The following C3orf49 variants were observed in gnomAD, a reference collection of about 807,000 sequenced individuals.
The protein encoded by C3orf49 is putative uncharacterized protein C3orf49.
A neutral mutation model predicts 13.3 loss-of-function variants in C3orf49; 27 were observed. The ratio of observed to expected loss-of-function variants is 2.02; its 90% CI spans 1.49 to 2.79. C3orf49 has a LOEUF of 2.79. Ranked by LOEUF, C3orf49 falls within the 30% of genes most tolerant of loss-of-function variation. C3orf49 has a pLI of 0.00. For missense variants in C3orf49, 242 were observed against 134.2 expected (o/e 1.80, Z -3.97); for synonymous variants, 87 against 47.6 (o/e 1.83, Z -3.40).
chr3:63,826,168 T>C (rs1481667925), intron 2 of C3orf49, among the ~76,000 whole-genome samples: 1 of 152,210 alleles, frequency 6.6e-6, no homozygotes, highest in African/African-American at 2.4e-5. Flanking sequence ...TTTTTAACTT[T>C]CTTCTAAGGG....
chr3:63,827,687 C>T lies in C3orf49; in HGVS notation c.532C>T (p.Arg178Trp), dbSNP rs1020944384. Residue 178 changes from arginine (R) to tryptophan (W), a missense_variant, in exon 3 of 7, where the codon CGG becomes TGG. By Grantham distance (101) the Arg-to-Trp change is moderately radical. Transcript: ENST00000295896. ...CCTTCGGGCCAGGAGAACCACCAAG[C>T]GGTTATCTGTGACATCTCTTCCTTC... Reference protein sequence around the residue: ...TLLRARRTTKRLSVTSLPSGL... With the variant: ...TLLRARRTTKWLSVTSLPSGL... 1.3e-5 allele frequency: 9 copies of T among 702,930 alleles called. No homozygotes were observed. Among genetic ancestry groups the T allele is most frequent in the African/African-American group, 5.2e-5 (3 of 57,228 alleles). 43.5% of individuals were successfully genotyped at this position (702,930 alleles called of 1,614,324 possible).
chr3:63,813,749 C>A, the C3orf49 span, among the ~76,000 whole-genome samples: 1 of 152,134 alleles, frequency 6.6e-6, no homozygotes, highest in Non-Finnish European at 1.5e-5. Flanking sequence ...TAAAGTGATA[C>A]CTCCTTCTCT....
chr3:63,837,762 T>C (rs1424931365), intron 5 of C3orf49, among the ~76,000 whole-genome samples: 13 of 152,044 alleles, frequency 8.6e-5, no homozygotes, highest in Admixed American at 8.5e-4. Context: ...AAAGAAATAC[T>C]TGGATAATCA....
chr3:63,785,422 C>T, the C3orf49 span, among the ~76,000 whole-genome samples: 2 of 152,032 alleles, frequency 1.3e-5, no homozygotes, highest in South Asian at 4.2e-4. Flanking sequence ...ATATCCCATC[C>T]TCAGCTTTCA....
At chr3:63,829,807 A>G (rs2107105863) in intron 3 of C3orf49, among the ~76,000 whole-genome samples, 1 of 152,074 alleles carries the variant, frequency 6.6e-6, no homozygotes, top group East Asian at 1.9e-4. Flanking sequence ...CAAAAAAAAA[A>G]TGTAAAAATT....
chr3:63,839,795 T>TTACC (rs1389335626), intron 5 of C3orf49: 48 of 1,597,126 alleles, frequency 3.0e-5, no homozygotes, highest in Non-Finnish European at 3.8e-5. Flanking sequence ...AAGGGCAATG[T>TTACC]TACCATCTGG....
chr3:63,790,709 C>T, the C3orf49 span, among the ~76,000 whole-genome samples: 11 of 151,386 alleles, frequency 7.3e-5, no homozygotes, highest in African/African-American at 1.9e-4. Context: ...TCCCATTAGA[C>T]GATTAACTGC....
At chr3:63,786,538 G>A in the C3orf49 span, among the ~76,000 whole-genome samples, 3 of 152,150 alleles carry the variant, frequency 2.0e-5, no homozygotes, top group Admixed American at 6.5e-5. Flanking sequence ...TTTATGTGGA[G>A]GGAGGTCGTG....
chr3:63,794,936 C>A, the C3orf49 span, among the ~76,000 whole-genome samples: 6 of 152,154 alleles, frequency 3.9e-5, no homozygotes, highest in African/African-American at 1.4e-4. Flanking sequence ...ACTCTGCAAA[C>A]CCCCCACCTT....
intron 5 of C3orf49, among the ~76,000 whole-genome samples, chr3:63,841,524 GC>G (rs1559604208): frequency 6.6e-6 from 1 of 152,194 alleles, no homozygotes; most frequent in Non-Finnish European, 1.5e-5. Context: ...GAGCGCAGGT[GC>G]AGCGGAGATA....
At chr3:63,811,679 A>G in the C3orf49 span, among the ~76,000 whole-genome samples, 1 of 152,040 alleles carries the variant, frequency 6.6e-6, no homozygotes, top group East Asian at 1.9e-4. Context: ...CCTCAGTTCA[A>G]CTTGGGAGGT....
chr3:63,844,067 A>G (rs542162918), intron 5 of C3orf49, among the ~76,000 whole-genome samples: 2 of 152,364 alleles, frequency 1.3e-5, no homozygotes, highest in Admixed American at 1.3e-4. Context: ...ATGAACCTAG[A>G]GAACATTATG....
the C3orf49 span, among the ~76,000 whole-genome samples, chr3:63,803,563 G>C: frequency 6.6e-6 from 1 of 152,224 alleles, no homozygotes; most frequent in Non-Finnish European, 1.5e-5. Flanking sequence ...CTCCGGCACA[G>C]CAAGCAGCAT....
intron 5 of C3orf49, chr3:63,834,198 A>G: frequency 6.2e-7 from 1 of 1,613,952 alleles, no homozygotes; most frequent in Non-Finnish European, 8.5e-7. Context: ...GTTTTTCATC[A>G]TCTGTAATTG....
upstream of C3orf49, among the ~76,000 whole-genome samples, chr3:63,818,642 G>A (rs1701350711): frequency 6.6e-6 from 1 of 152,182 alleles, no homozygotes; most frequent in Non-Finnish European, 1.5e-5. Flanking sequence ...CCTTTCTAGA[G>A]GAGTTTTTCT....
chr3:63,787,686 G>A, the C3orf49 span, among the ~76,000 whole-genome samples: 2 of 152,138 alleles, frequency 1.3e-5, no homozygotes, highest in African/African-American at 4.8e-5. Flanking sequence ...AGCAGTCCTA[G>A]GGATGAGAAA....
intron 1 of C3orf49, among the ~76,000 whole-genome samples, chr3:63,820,888 T>C (rs1159240242): frequency 1.3e-5 from 2 of 152,130 alleles, no homozygotes; most frequent in Non-Finnish European, 2.9e-5. Context: ...AACCCTGCCC[T>C]TGGTCCCAGA....
At chr3:63,831,873 TCTGA>T in intron 5 of C3orf49, 29 bp downstream of exon 5, 1 of 691,250 alleles carries the variant, frequency 1.4e-6, no homozygotes, top group East Asian at 2.7e-5. Flanking sequence ...TGCTGCTGCT[TCTGA>T]CTTTGTTCCT....
intron 5 of C3orf49, among the ~76,000 whole-genome samples, chr3:63,844,424 C>A (rs1223899386): frequency 1.3e-5 from 2 of 152,120 alleles, no homozygotes; most frequent in African/African-American, 4.8e-5. Context: ...GTTAACCATT[C>A]CACAATGTAT....
Sources: allele counts gnomAD v4.1 joint callset (sites outside exome capture counted in the v4.1 genomes callset), GRCh38; gene constraint gnomAD v4.1.1; transcripts MANE v1.5; gene names NCBI Gene and HGNC (gene_info 2026-07-23, HGNC 2026-07-21).